KATNAL2: variants seen among roughly 807,000 people sequenced by gnomAD.
The protein encoded by KATNAL2 is katanin p60 ATPase-containing subunit A-like 2.
In KATNAL2, 52 loss-of-function variants were observed where a neutral mutation model predicts 76.3. The ratio of observed to expected loss-of-function variants is 0.68; its 90% confidence interval spans 0.55 to 0.86. The LOEUF (loss-of-function observed/expected upper bound fraction) is 0.86. Among genes scored for constraint, KATNAL2 ranks in the 40% least tolerant of loss-of-function variants. The pLI is 0.00. For synonymous variants in KATNAL2, 243 were observed against 244.2 expected (o/e 1.00, Z 0.05); for missense variants, 660 against 668.9 (o/e 0.99, Z 0.15).
chr18:47,083,641 C>T (rs1421032729), intron 15 of KATNAL2, among the ~76,000 whole-genome samples: 6 of 152,142 alleles, frequency 3.9e-5, no homozygotes, highest in Non-Finnish European at 8.8e-5. Flanking sequence ...AAGAACAGCT[C>T]TTGTGTGTCA....
chr18:47,076,020 T>C (rs984739048), intron 14 of KATNAL2: 2 of 152,196 alleles, frequency 1.3e-5, no homozygotes, highest in African/African-American at 4.8e-5. Flanking sequence ...AGATCAGCTT[T>C]CTGTCTTGAT....
chr18:46,954,123 G>A (rs917755435), intron 3 of KATNAL2, among the ~76,000 whole-genome samples: 13 of 151,484 alleles, frequency 8.6e-5, no homozygotes, highest in Non-Finnish European at 1.3e-4. Context: ...TGGTAGTCCC[G>A]TCTTCTGCCT....
intron 15 of KATNAL2, among the ~76,000 whole-genome samples, chr18:47,089,265 C>T (rs1243046897): frequency 2.0e-5 from 3 of 152,092 alleles, no homozygotes. Context: ...ATTGTGCATT[C>T]GAAAGGTATT....
At chr18:47,053,090 A>G (rs1270729958) in intron 5 of KATNAL2, 44 bp downstream of exon 5, 3 of 1,462,140 alleles carry the variant, frequency 2.1e-6, no homozygotes, top group Admixed American at 2.1e-5. Flanking sequence ...CTCATCTGTA[A>G]GATTAGTGTT....
chr18:47,054,015 T>C (rs2061406161), intron 5 of KATNAL2, among the ~76,000 whole-genome samples: 1 of 152,258 alleles, frequency 6.6e-6, no homozygotes, highest in Non-Finnish European at 1.5e-5. Context: ...ACTTCAGTGT[T>C]CCCTGCCAGA....
chr18:47,101,958 C>G lies in KATNAL2; in HGVS notation c.*953C>G, dbSNP rs866082469. The G allele has an allele frequency of 2.0e-5, 3 of 152,158 alleles. No homozygotes were observed. The highest frequency in any genetic ancestry group is 4.4e-5 in the Non-Finnish European group (3 of 68,032). The allele number at this position is 152,158 out of a possible 1,614,324, so 9.4% of individuals were successfully genotyped here. On this transcript the variant is annotated 3_prime_UTR_variant, in exon 18 of 18. Coordinates refer to ENST00000683218, the MANE Select transcript of KATNAL2 (RefSeq NM_001387690.1). The stretch of plus-strand genomic sequence containing the variant: ...CTAAGTAATGCCACTTCTTTTCCCC[C>G]ACTAGAACTTACCTATGGGAAATCA...
chr18:47,067,126 A>T lies in KATNAL2; in HGVS notation c.825+7A>T. 2.7e-6 allele frequency: 4 copies of T among 1,475,708 alleles called. No homozygotes were observed. Among genetic ancestry groups the T allele is most frequent in the Non-Finnish European group, 3.7e-6 (4 of 1,071,796 alleles). The allele number at this position is 1,475,708 out of a possible 1,614,324, so 91.4% of individuals were successfully genotyped here. A position where few individuals can be genotyped will look rare whatever the true frequency, so the allele number is the denominator to read the frequency against. The stretch of plus-strand genomic sequence containing the variant: ...TGTTGTGTATCCTATAAGGGTAAGG[A>T]CGGGAAGCCTCTTGGGGGTTATTTC... On this transcript the variant is annotated splice_region_variant and intron_variant, in intron 11 of 17. Coordinates refer to ENST00000683218, the MANE Select transcript of KATNAL2 (RefSeq NM_001387690.1).
intron 1 of KATNAL2, among the ~76,000 whole-genome samples, chr18:46,922,705 G>A (rs950750320): frequency 4.6e-5 from 7 of 151,792 alleles, no homozygotes; most frequent in Non-Finnish European, 1.0e-4. Context: ...GCTGAAGCAG[G>A]AGAATCGCTT....
intron 4 of KATNAL2, among the ~76,000 whole-genome samples, chr18:47,048,926 C>T (rs190089385): frequency 6.6e-6 from 1 of 150,724 alleles, no homozygotes; most frequent in African/African-American, 2.4e-5. Flanking sequence ...GCTCCGCCTC[C>T]TGGGTTCAGG....
Position 47,033,587 on chromosome 18 carries a change from C to T in KATNAL2, c.52-12870C>T, listed in dbSNP as rs147177649. ...TACAGCTGATCGGGCCTCCACCCTT[C>T]CAGAACAGGTTCAAGAACCCAGTAG... On this transcript the variant is annotated intron_variant, in intron 3 of 17. Coordinates refer to ENST00000683218, the MANE Select transcript of KATNAL2 (RefSeq NM_001387690.1). The T allele has an allele frequency of 1.3e-5, 21 of 1,614,208 alleles. No individual in the cohort carries two copies. The African/African-American group carries it at 2.7e-4, about 20-fold the overall frequency.
At chr18:46,960,839 G>A (rs2059916496) in intron 3 of KATNAL2, among the ~76,000 whole-genome samples, 1 of 152,192 alleles carries the variant, frequency 6.6e-6, no homozygotes, top group Non-Finnish European at 1.5e-5. Context: ...TAACTAAACT[G>A]TAGAGGGACG....
In KATNAL2 at chr18:46,960,311, C is replaced by T. The variant is rs143477030; in HGVS notation, c.51+13388C>T. On this transcript the variant is annotated intron_variant, in intron 3 of 17. Coordinates refer to ENST00000683218, the MANE Select transcript of KATNAL2 (RefSeq NM_001387690.1). Reference sequence around the variant, plus strand: ...AAAATTAGCTGGGCATGGTGGTGGGCGCCTGTAATGCCAGCTACTCGGGAG... The same window carrying T: ...AAAATTAGCTGGGCATGGTGGTGGGTGCCTGTAATGCCAGCTACTCGGGAG... Among the ~76,000 whole-genome samples, 548 of 151,902 alleles carry T rather than the reference C, an allele frequency of 3.6e-3. 4 individuals are homozygous for T. The highest frequency in any genetic ancestry group is 0.012 in the African/African-American group (515 of 41,430).
In KATNAL2 at chr18:47,046,457, T is replaced by C. The variant is rs1177937953; in HGVS notation, c.52T>C (p.Cys18Arg). 1 of 1,535,414 alleles carries C rather than the reference T, an allele frequency of 6.5e-7. No individual in the cohort carries two copies. The highest frequency in any genetic ancestry group is 2.4e-5 in the East Asian group (1 of 40,906). The change falls in exon 4 of 18, where the codon TGC becomes CGC. Residue 18 changes from cysteine (C) to arginine (R), a missense_variant and splice_region_variant. Cys to Arg is a radical substitution (Grantham distance 180, BLOSUM62 -3). Coordinates refer to ENST00000683218, the MANE Select transcript of KATNAL2 (RefSeq NM_001387690.1). ...LKFTHQAREA[C>R]EMRTEARRKN... ...CTACCTAAATTTTCCTCTGTTCCAGTGCGAGATGAGGACAGAAGCACGACG... is the reference window on the plus strand; with the variant it reads ...CTACCTAAATTTTCCTCTGTTCCAGCGCGAGATGAGGACAGAAGCACGACG...
intron 1 of KATNAL2, among the ~76,000 whole-genome samples, chr18:46,936,171 A>G (rs2059084963): frequency 6.6e-6 from 1 of 152,186 alleles, no homozygotes; most frequent in African/African-American, 2.4e-5. Flanking sequence ...CCAAAATCAA[A>G]CAAAACATCA....
Position 47,075,380 on chromosome 18 carries a change from G to C in KATNAL2, c.1100+12G>C. The C allele has an allele frequency of 1.3e-6, 2 of 1,488,206 alleles. No homozygotes were observed. The highest frequency in any genetic ancestry group is 1.8e-6 in the Non-Finnish European group (2 of 1,123,850). 92.2% of individuals were successfully genotyped at this position (1,488,206 alleles called of 1,614,324 possible). On this transcript the variant is annotated intron_variant, in intron 14 of 17. Transcript: ENST00000683218. Reference sequence around the variant, plus strand: ...GGCACAGCTTCTGGGTAACAGACAGGGTTGGGGTTTTTGTTGTTGTTGTTT... The same window carrying C: ...GGCACAGCTTCTGGGTAACAGACAGCGTTGGGGTTTTTGTTGTTGTTGTTT...
At chr18:47,073,125 G>C (rs760464229) in intron 13 of KATNAL2, among the ~76,000 whole-genome samples, 1 of 152,074 alleles carries the variant, frequency 6.6e-6, no homozygotes, top group Non-Finnish European at 1.5e-5. Flanking sequence ...TCCCATCAAT[G>C]GTTCATGAGT....
At chr18:46,940,811 G>A (rs1264198177) in intron 1 of KATNAL2, among the ~76,000 whole-genome samples, 5 of 152,264 alleles carry the variant, frequency 3.3e-5, no homozygotes, top group African/African-American at 1.2e-4. Flanking sequence ...ATCACTTGAG[G>A]CCAGGAGTTT....
At chr18:47,042,690 A>C (rs957353579) in intron 3 of KATNAL2, among the ~76,000 whole-genome samples, 2 of 152,232 alleles carry the variant, frequency 1.3e-5, no homozygotes, top group African/African-American at 4.8e-5. Flanking sequence ...CAAAAGAGAC[A>C]AAGGAATGGA....
intron 1 of KATNAL2, among the ~76,000 whole-genome samples, chr18:46,929,462 C>T (rs1324437161): frequency 1.3e-5 from 2 of 152,014 alleles, no homozygotes. Flanking sequence ...AGGCTGATCT[C>T]AAACTCCTGG....
Sources: gnomAD v4.1 joint callset for allele counts (sites outside exome capture counted in the v4.1 genomes callset) on GRCh38, gnomAD v4.1.1 for gene constraint, MANE v1.5 for transcripts, NCBI Gene and HGNC (gene_info 2026-07-23, HGNC 2026-07-21) for gene names.